Variants in DCDC1 observed in about 807,000 individuals in gnomAD.
DCDC1 encodes the protein doublecortin domain containing 1.
In DCDC1, 200 loss-of-function variants were observed where a neutral mutation model predicts 178.3. The ratio of observed to expected loss-of-function variants is 1.12; its 90% CI spans 1.00 to 1.26. The LOEUF is 1.26. Ranked by LOEUF, DCDC1 falls within the 50% of genes most tolerant of loss-of-function variation. DCDC1 has a pLI of 0.00. For synonymous variants in DCDC1, 690 were observed against 604.8 expected (o/e 1.14, Z -2.07); for missense variants, 1,983 against 1,749.2 (o/e 1.13, Z -2.38).
At chr11:31,163,034 C>T (rs906529559) in intron 9 of DCDC1, among the ~76,000 whole-genome samples, 1 of 152,108 alleles carries the variant, frequency 6.6e-6, no homozygotes. Context: ...CTAGCACTTC[C>T]CACCATCTAA....
intron 11 of DCDC1, 56 bp from the exon 12 acceptor site, chr11:31,110,417 A>G (rs1253231172): frequency 1.5e-5 from 10 of 649,696 alleles, no homozygotes. Flanking sequence ...ATACATACAT[A>G]TATTCATACA....
rs112043146 is a variant in DCDC1, at chr11:31,305,740, A to G, written c.629T>C (p.Met210Thr). ...EECTEKLNLN[M>T]AARRVFLADG... ...TGCCAAGAACACTCGTCTTGCGGCC[A>G]TGTTCAGATTCAGCTTTTCTGTGCA... Residue 210 changes from methionine to threonine, a missense_variant, in exon 6 of 39, where the codon ATG becomes ACG. Met to Thr is a moderately conservative substitution (Grantham distance 81). Coordinates refer to ENST00000684477, the MANE Select transcript of DCDC1 (RefSeq NM_001387274.1). The G allele has an allele frequency of 2.7e-5, 44 of 1,613,758 alleles. No individual in the cohort carries two copies. Among genetic ancestry groups the G allele is most frequent in the Non-Finnish European group, 3.5e-5 (41 of 1,179,850 alleles).
chr11:30,888,011 AAAG>A (rs1376358311), intron 36 of DCDC1, among the ~76,000 whole-genome samples: 40 of 148,284 alleles, frequency 2.7e-4, no homozygotes, highest in African/African-American at 9.4e-4. Context: ...CAAAAAAAAA[AAAG>A]AAAGAAAGAG....
chr11:31,125,453 CT>C (rs1961464306), intron 11 of DCDC1, among the ~76,000 whole-genome samples: 1 of 152,128 alleles, frequency 6.6e-6, no homozygotes, highest in African/African-American at 2.4e-5. Context: ...ATAAATCATT[CT>C]CTTATAAAGA....
At chr11:31,093,519 A>G (rs1591019450) in intron 16 of DCDC1, among the ~76,000 whole-genome samples, 1 of 152,350 alleles carries the variant, frequency 6.6e-6, no homozygotes, top group Middle Eastern at 3.4e-3. Context: ...ATGTTCTTCT[A>G]TAAGTCATAT....
chr11:31,181,908 G>A (rs915142401), intron 9 of DCDC1, among the ~76,000 whole-genome samples: 2 of 152,086 alleles, frequency 1.3e-5, no homozygotes, highest in African/African-American at 4.8e-5. Flanking sequence ...TGGCCTGATG[G>A]AGCTGAAAAA....
intron 32 of DCDC1, among the ~76,000 whole-genome samples, chr11:30,900,704 G>A (rs1326524161): frequency 1.3e-5 from 2 of 151,992 alleles, no homozygotes; most frequent in African/African-American, 4.8e-5. Flanking sequence ...TTGTAAATAT[G>A]TTTTAATTTC....
chr11:31,111,942 T>TCA (rs1261036963), intron 11 of DCDC1, among the ~76,000 whole-genome samples: 1 of 152,190 alleles, frequency 6.6e-6, no homozygotes, highest in Non-Finnish European at 1.5e-5. Context: ...CCTAATACCT[T>TCA]CATTAGCTCA....
chr11:30,889,529 A>C (rs530631677), intron 36 of DCDC1, among the ~76,000 whole-genome samples: 6 of 152,308 alleles, frequency 3.9e-5, no homozygotes, highest in African/African-American at 1.4e-4. Context: ...AGACACCCCC[A>C]GTGAAATCCA....
Position 31,363,416 on chromosome 11 carries a change from A to G in DCDC1, c.-125+6281T>C, listed in dbSNP as rs1302038054. ...AGTAACAAAGATAACAATGATACTA[A>G]TTATGTTTTCCATTGCTAATGATGA... On this transcript the variant is annotated intron_variant, in intron 1 of 38. Coordinates refer to ENST00000684477, the MANE Select transcript of DCDC1 (RefSeq NM_001387274.1). Among the ~76,000 whole-genome samples, 10 of 152,160 alleles carry G rather than the reference A, an allele frequency of 6.6e-5. No homozygotes were observed. In the East Asian group the frequency reaches 1.9e-3, roughly 29 times the overall value.
At chr11:31,029,701 T>C (rs1451678597) in intron 20 of DCDC1, among the ~76,000 whole-genome samples, 1 of 152,178 alleles carries the variant, frequency 6.6e-6, no homozygotes, top group Non-Finnish European at 1.5e-5. Flanking sequence ...CACATGATTC[T>C]ACCTGATACT....
At chr11:31,002,110 C>A (rs546014102) in intron 20 of DCDC1, among the ~76,000 whole-genome samples, 1 of 152,216 alleles carries the variant, frequency 6.6e-6, no homozygotes, top group South Asian at 2.1e-4. Context: ...TAAACTCATG[C>A]TAGAATGTTA....
intron 20 of DCDC1, among the ~76,000 whole-genome samples, chr11:31,007,548 A>G (rs748152535): frequency 2.6e-5 from 4 of 152,158 alleles, no homozygotes; most frequent in Non-Finnish European, 4.4e-5. Flanking sequence ...AGAGGTTAGG[A>G]TGTCACTAAA....
intron 9 of DCDC1, among the ~76,000 whole-genome samples, chr11:31,151,351 G>T (rs1193294199): frequency 6.6e-6 from 1 of 152,112 alleles, no homozygotes; most frequent in African/African-American, 2.4e-5. Context: ...TCAAAAATCA[G>T]AATTCTATTA....
At chr11:31,341,812 T>TATAC (rs1555184213) in intron 1 of DCDC1, among the ~76,000 whole-genome samples, 1 of 144,470 alleles carries the variant, frequency 6.9e-6, no homozygotes, top group African/African-American at 2.6e-5. Flanking sequence ...TGCATGACTA[T>TATAC]ACACACACAC....
chr11:31,194,014 C>T (rs896580330), intron 9 of DCDC1, among the ~76,000 whole-genome samples: 3 of 151,920 alleles, frequency 2.0e-5, no homozygotes, highest in African/African-American at 7.3e-5. Flanking sequence ...ATAATATTAA[C>T]GGGAAAATCT....
rs949266123 is a variant in DCDC1, at chr11:31,332,006, T to G, written c.-7+3441A>C. Among the ~76,000 whole-genome samples, 7 of 152,304 alleles carry G rather than the reference T, an allele frequency of 4.6e-5. No individual in the cohort carries two copies. In the East Asian group the frequency reaches 7.7e-4, roughly 17 times the overall value. ...AGAATTTGACTGTGAATCCATCTGG[T>G]CCTGAACTTTTTTTGGTTGGTGGGC... On this transcript the variant is annotated intron_variant, in intron 2 of 38. Transcript: ENST00000684477.
chr11:30,911,517 A>C (rs273602), intron 27 of DCDC1, 97 bp from the exon 28 acceptor site: 94,230 of 838,194 alleles, frequency 0.11, 6,125 homozygotes, highest in Admixed American at 0.24. Flanking sequence ...AGCTCCATGC[A>C]TGCTCTGTAA....
In DCDC1 at chr11:31,305,711, C is replaced by T. The variant is rs376440811; in HGVS notation, c.658G>A (p.Gly220Ser). The change falls in exon 6 of 39, where the codon GGC becomes AGC. Residue 220 changes from glycine to serine, a missense_variant. Transcript: ENST00000684477. ...MAARRVFLAD[G>S]KEALEPEDIP... Reference sequence around the variant, plus strand: ...TCTTCAGGTTCGAGGGCTTCCTTGCCGTCTGCCAAGAACACTCGTCTTGCG... The same window carrying T: ...TCTTCAGGTTCGAGGGCTTCCTTGCTGTCTGCCAAGAACACTCGTCTTGCG... 7 of 1,613,798 alleles carry T rather than the reference C, an allele frequency of 4.3e-6. No homozygotes were observed. The highest frequency in any genetic ancestry group is 1.3e-5 in the African/African-American group (1 of 74,968).
Sources: allele counts gnomAD v4.1 joint callset (sites outside exome capture counted in the v4.1 genomes callset), GRCh38; gene constraint gnomAD v4.1.1; transcripts MANE v1.5; gene names NCBI Gene and HGNC (gene_info 2026-07-23, HGNC 2026-07-21).